Variants in JPH3 observed in about 807,000 individuals in gnomAD.
JPH3 encodes the protein junctophilin 3.
Under a neutral mutation model 59.6 loss-of-function variants are expected in JPH3, and 11 were observed. That is an observed-to-expected ratio of 0.18 (90% CI 0.12 to 0.31). The LOEUF is 0.31. Ranked by LOEUF, JPH3 falls within the 10% of genes least tolerant of loss-of-function variation. The probability of loss-of-function intolerance (pLI) is 1.00; values close to 1 mark genes in which losing one functional copy is unlikely to be tolerated. For missense variants in JPH3, 1,202 were observed against 1,105.7 expected (o/e 1.09, Z -1.24); for synonymous variants, 673 against 483.6 (o/e 1.39, Z -5.14).
At chr16:87,671,700 C>A (rs1445112971) in intron 2 of JPH3, among the ~76,000 whole-genome samples, 1 of 152,100 alleles carries the variant, frequency 6.6e-6, no homozygotes, top group Non-Finnish European at 1.5e-5. Flanking sequence ...GGTCCCCCAC[C>A]CCTTGGTGTT....
chr16:87,697,073 C>T lies in JPH3; in HGVS notation c.*413C>T, dbSNP rs531133090. On this transcript the variant is annotated 3_prime_UTR_variant, in exon 5 of 5. Transcript: ENST00000284262. Reference sequence around the variant, plus strand: ...GGCCCCTGAGTGGCAGGGCTGACTCCCGTCGACACGAGCTTAGAAAGTGGA... The same window carrying T: ...GGCCCCTGAGTGGCAGGGCTGACTCTCGTCGACACGAGCTTAGAAAGTGGA... 76 of 268,514 alleles carry T rather than the reference C, an allele frequency of 2.8e-4. No homozygotes were observed. The highest frequency in any genetic ancestry group is 1.4e-3 in the African/African-American group (63 of 45,570). The allele number at this position is 268,514 out of a possible 1,614,324, so 16.6% of individuals were successfully genotyped here.
At chr16:87,631,916 T>C (rs1331642150) in intron 1 of JPH3, among the ~76,000 whole-genome samples, 2 of 152,246 alleles carry the variant, frequency 1.3e-5, no homozygotes, top group African/African-American at 4.8e-5. Context: ...TTTTGTATTT[T>C]ATCTCTGAGG....
chr16:87,690,205 G>A lies in JPH3; in HGVS notation c.1845G>A (p.Met615Ile). 1 of 1,603,104 alleles carries A rather than the reference G, an allele frequency of 6.2e-7. No individual in the cohort carries two copies. The highest frequency in any genetic ancestry group is 8.5e-7 in the Non-Finnish European group (1 of 1,175,394). Residue 615 changes from methionine to isoleucine, a missense_variant, in exon 4 of 5, where the codon ATG becomes ATA. By Grantham distance (10) the Met-to-Ile change is conservative. Coordinates refer to ENST00000284262, the MANE Select transcript of JPH3 (RefSeq NM_020655.4). ...AGCTGAGCAACTACCGGATGGAGAT[G>A]AAACCCTTGCTGAGGATGGAGACGC... Reference protein sequence around the residue: ...EEKLSNYRMEMKPLLRMETHP... With the variant: ...EEKLSNYRMEIKPLLRMETHP...
intron 2 of JPH3, among the ~76,000 whole-genome samples, chr16:87,656,879 CAG>C (rs1373676404): frequency 1.3e-5 from 2 of 152,152 alleles, no homozygotes; most frequent in South Asian, 2.1e-4. Flanking sequence ...GGTGTTCCGA[CAG>C]GGGATCACTC....
At chr16:87,621,444 C>T (rs1050619050) in intron 1 of JPH3, among the ~76,000 whole-genome samples, 1 of 152,228 alleles carries the variant, frequency 6.6e-6, no homozygotes, top group Admixed American at 6.5e-5. Context: ...GAATCCAAGG[C>T]CACAGGACTG....
intron 2 of JPH3, among the ~76,000 whole-genome samples, chr16:87,669,667 C>A (rs370888787): frequency 1.3e-5 from 2 of 152,106 alleles, no homozygotes; most frequent in African/African-American, 4.8e-5. Context: ...GGGTGGAGGC[C>A]GGGACAGTGT....
At position 87,658,979 on chromosome 16, in the gene JPH3, G is replaced by A. The variant is rs137910380; in HGVS notation, c.1160+13944G>A. ...GAATAAGGGTGCAATTGCTGGAGGC[G>A]GGGTCGCAGCTGCAGACCTGGGCGG... On this transcript the variant is annotated intron_variant, in intron 2 of 4. Transcript: ENST00000284262. 2.9e-3 allele frequency among the ~76,000 whole-genome samples: 435 copies of A among 152,336 alleles called. 4 individuals are homozygous for A. The highest frequency in any genetic ancestry group is 9.3e-3 in the African/African-American group (385 of 41,570).
intron 1 of JPH3, among the ~76,000 whole-genome samples, chr16:87,638,015 GTT>G (rs973015988): frequency 4.6e-5 from 7 of 152,162 alleles, no homozygotes; most frequent in African/African-American, 1.4e-4. Flanking sequence ...TGCCTCCTGG[GTT>G]CAAGCAATTC....
rs1411244546 is a variant in JPH3 at position 87,603,456 on chromosome 16, G to C, written c.310G>C (p.Gly104Arg). 6.4e-7 allele frequency: 1 copy of C among 1,563,408 alleles called. No individual in the cohort carries two copies. Among genetic ancestry groups the C allele is most frequent in the Admixed American group, 1.9e-5 (1 of 52,052 alleles). Residue 104 changes from glycine (G) to arginine (R), a missense_variant, in exon 1 of 5, where the codon GGG (glycine) becomes CGG (arginine). Gly to Arg is a moderately radical substitution (Grantham distance 125). Coordinates refer to ENST00000284262, the MANE Select transcript of JPH3 (RefSeq NM_020655.4). ...RYGVRECAGNGAKYEGTWSNG... is the reference protein window; with the variant it reads ...RYGVRECAGNRAKYEGTWSNG... ...CGGGGTGCGGGAGTGCGCGGGCAAC[G>C]GGGCCAAATACGAAGGGACCTGGAG...
chr16:87,672,176 G>A (rs1332594024), intron 2 of JPH3, among the ~76,000 whole-genome samples: 1 of 152,256 alleles, frequency 6.6e-6, no homozygotes, highest in East Asian at 1.9e-4. Context: ...CATAGGCTGT[G>A]GCCTGTAGGT....
chr16:87,661,227 C>T (rs1048235439), intron 2 of JPH3, among the ~76,000 whole-genome samples: 1 of 152,196 alleles, frequency 6.6e-6, no homozygotes, highest in Non-Finnish European at 1.5e-5. Flanking sequence ...CTTACAAGGA[C>T]CCTTGTGGTT....
At chr16:87,639,589 T>C (rs1481235659) in intron 1 of JPH3, among the ~76,000 whole-genome samples, 3 of 128,424 alleles carry the variant, frequency 2.3e-5, no homozygotes, top group African/African-American at 8.6e-5. Flanking sequence ...CACTAAATGC[T>C]CACTGCCTGT....
intron 1 of JPH3, among the ~76,000 whole-genome samples, chr16:87,634,204 A>G (rs1451415994): frequency 6.6e-6 from 1 of 152,118 alleles, no homozygotes; most frequent in Non-Finnish European, 1.5e-5. Flanking sequence ...GTCACGTTGG[A>G]CCTGTGCCCA....
Position 87,602,822 on chromosome 16 carries a change from G to A in JPH3, c.-325G>A, listed in dbSNP as rs1225039791. On this transcript the variant is annotated 5_prime_UTR_variant, in exon 1 of 5. Transcript: ENST00000284262. ...GAGGGGCCCTCTCGCCGCTGAGGTGGAGCCGCGGGCCCCGCCGCCGCCGCT... is the reference window on the plus strand; with the variant it reads ...GAGGGGCCCTCTCGCCGCTGAGGTGAAGCCGCGGGCCCCGCCGCCGCCGCT... 1 of 155,626 alleles carries A rather than the reference G, an allele frequency of 6.4e-6. No homozygotes were observed. Among genetic ancestry groups the A allele is most frequent in the African/African-American group, 2.7e-5 (1 of 37,618 alleles). 9.6% of individuals were successfully genotyped at this position (155,626 alleles called of 1,614,324 possible).
intron 1 of JPH3, among the ~76,000 whole-genome samples, chr16:87,606,757 C>T (rs1457943541): frequency 6.6e-6 from 1 of 152,136 alleles, no homozygotes; most frequent in Admixed American, 6.5e-5. Flanking sequence ...CCAGGCAATG[C>T]ATGTCACTTA....
chr16:87,641,048 T>C (rs2031933245), intron 1 of JPH3, among the ~76,000 whole-genome samples: 1 of 152,092 alleles, frequency 6.6e-6, no homozygotes, highest in South Asian at 2.1e-4. Flanking sequence ...TTCCCCCCAG[T>C]GTGGTTCGCA....
At chr16:87,681,679 G>A (rs535980069) in intron 2 of JPH3, among the ~76,000 whole-genome samples, 145 of 152,062 alleles carry the variant, frequency 9.5e-4, no homozygotes, top group Non-Finnish European at 1.7e-3. Flanking sequence ...TGACAGTTCC[G>A]GGAGGTCAGG....
chr16:87,663,249 C>T (rs758421132), intron 2 of JPH3, among the ~76,000 whole-genome samples: 29 of 152,256 alleles, frequency 1.9e-4, no homozygotes, highest in Middle Eastern at 3.4e-3. Flanking sequence ...GTTGGGACTA[C>T]AGGCCTGTGC....
intron 2 of JPH3, among the ~76,000 whole-genome samples, chr16:87,658,556 C>T (rs1430272858): frequency 6.6e-6 from 1 of 152,132 alleles, no homozygotes; most frequent in East Asian, 1.9e-4. Context: ...TCTCTCTCCC[C>T]AACCCCCCTG....
Sources: allele counts gnomAD v4.1 joint callset (sites outside exome capture counted in the v4.1 genomes callset), GRCh38; gene constraint gnomAD v4.1.1; transcripts MANE v1.5; gene names NCBI Gene and HGNC (gene_info 2026-07-23, HGNC 2026-07-21).